DAB1: variants seen among roughly 807,000 people sequenced by gnomAD.
DAB1 encodes DAB adaptor protein 1.
A neutral mutation model predicts 64.6 loss-of-function variants in DAB1; 15 were observed. The observed-to-expected ratio is 0.23, with a 90% confidence interval of 0.16 to 0.36. The LOEUF (loss-of-function observed/expected upper bound fraction) is 0.36, where lower values mean the gene tolerates loss of function less well. Ranked by LOEUF, DAB1 falls within the 10% of genes least tolerant of loss-of-function variation. The pLI is 1.00. For missense variants in DAB1, 596 were observed against 706.7 expected, an observed-to-expected ratio of 0.84 and a Z score of 1.78; for synonymous variants, 235 against 251.9, an observed-to-expected ratio of 0.93 and a Z score of 0.64.
chr1:57,484,086 C>CTA lies in DAB1; in HGVS notation n.625+165504_625+165505dup, dbSNP rs2101250761. 2.0e-5 allele frequency among the ~76,000 whole-genome samples: 3 copies of CTA among 152,084 alleles called. No homozygotes were observed. The East Asian group carries it at 5.8e-4, about 29-fold the overall frequency. The stretch of plus-strand genomic sequence containing the variant: ...AACCTGGAAGAAGTGAAAGTGCATG[C>CTA]TATACAAAGTCTCAGAAAGAAGCAT... On this transcript the variant is annotated intron_variant and non_coding_transcript_variant, in intron 7 of 20. Transcript: ENST00000485760.
intron 4 of DAB1, among the ~76,000 whole-genome samples, chr1:58,162,003 G>A (rs1655562985): frequency 6.6e-6 from 1 of 152,138 alleles, no homozygotes; most frequent in South Asian, 2.1e-4. Context: ...CAATGGTCCA[G>A]GGAAGAGAAG....
chr1:58,353,761 T>C (rs547920615), intron 3 of DAB1, among the ~76,000 whole-genome samples: 1 of 152,296 alleles, frequency 6.6e-6, no homozygotes, highest in Admixed American at 6.5e-5. Flanking sequence ...ATGTGTTTTA[T>C]CTACTATGTG....
At chr1:58,290,017 G>C (rs1427415638) in intron 4 of DAB1, among the ~76,000 whole-genome samples, 1 of 152,184 alleles carries the variant, frequency 6.6e-6, no homozygotes, top group Non-Finnish European at 1.5e-5. Context: ...AAACTCATAT[G>C]TTTTAAGCTC....
At chr1:57,176,457 C>G (rs155315) in intron 2 of DAB1, among the ~76,000 whole-genome samples, 3 of 151,732 alleles carry the variant, frequency 2.0e-5, no homozygotes, top group Admixed American at 2.0e-4. Flanking sequence ...CCGCCCCCCA[C>G]AATTCAATCA....
intron 3 of DAB1, among the ~76,000 whole-genome samples, chr1:58,438,889 C>A (rs1041696849): frequency 1.3e-5 from 2 of 152,138 alleles, no homozygotes; most frequent in Non-Finnish European, 2.9e-5. Context: ...GAGCAGAAAC[C>A]ACTTGCGTCT....
At chr1:57,768,987 G>A (rs1326554462) in intron 6 of DAB1, among the ~76,000 whole-genome samples, 1 of 151,970 alleles carries the variant, frequency 6.6e-6, no homozygotes, top group African/African-American at 2.4e-5. Flanking sequence ...TTCTTCCAGG[G>A]TGACTTGGCC....
chr1:57,907,259 A>T (rs1303870077), intron 5 of DAB1, among the ~76,000 whole-genome samples: 2 of 152,150 alleles, frequency 1.3e-5, no homozygotes, highest in African/African-American at 4.8e-5. Flanking sequence ...GCACCTACAG[A>T]GGAGGCTGCA....
At chr1:57,217,425 CG>C (rs1265525193) in intron 2 of DAB1, among the ~76,000 whole-genome samples, 1 of 151,996 alleles carries the variant, frequency 6.6e-6, no homozygotes, top group Non-Finnish European at 1.5e-5. Context: ...ATGTCCTTAT[CG>C]GTCCAAAAAT....
At chr1:58,283,004 C>A (rs1253875934) in intron 4 of DAB1, among the ~76,000 whole-genome samples, 2 of 152,096 alleles carry the variant, frequency 1.3e-5, no homozygotes, top group African/African-American at 4.8e-5. Context: ...CCCATCCCCC[C>A]ACCCCAATTG....
chr1:57,736,806 A>G (rs1391515029), intron 6 of DAB1, among the ~76,000 whole-genome samples: 1 of 151,810 alleles, frequency 6.6e-6, no homozygotes, highest in Non-Finnish European at 1.5e-5. Flanking sequence ...TCTAACATAT[A>G]TTTATTAAGT....
intron 7 of DAB1, among the ~76,000 whole-genome samples, chr1:57,542,693 C>T (rs1267036487): frequency 6.6e-6 from 1 of 151,976 alleles, no homozygotes; most frequent in South Asian, 2.1e-4. Context: ...TCATTCTGAA[C>T]AGTCATAGGG....
intron 1 of DAB1, among the ~76,000 whole-genome samples, chr1:58,529,892 T>C (rs1476174452): frequency 6.6e-6 from 1 of 152,166 alleles, no homozygotes; most frequent in African/African-American, 2.4e-5. Context: ...TATTTTTATT[T>C]TTTTTTGAGA....
intron 2 of DAB1, among the ~76,000 whole-genome samples, chr1:58,510,889 T>C (rs1646065463): frequency 6.6e-6 from 1 of 151,832 alleles, no homozygotes; most frequent in Admixed American, 6.6e-5. Context: ...TTAAAAAGAA[T>C]AAAATACTTA....
At chr1:57,635,969 C>A (rs185948547) in intron 7 of DAB1, among the ~76,000 whole-genome samples, 1 of 151,880 alleles carries the variant, frequency 6.6e-6, no homozygotes, top group Non-Finnish European at 1.5e-5. Flanking sequence ...CGGTGGCGGG[C>A]GCCTGTAGTC....
At chr1:57,107,279 G>T (rs1340425641) in intron 4 of DAB1, among the ~76,000 whole-genome samples, 1 of 151,886 alleles carries the variant, frequency 6.6e-6, no homozygotes, top group African/African-American at 2.4e-5. Flanking sequence ...GGAGGCTGAG[G>T]CAGGAGAATC....
At chr1:57,529,090 G>T (rs1168952665) in intron 7 of DAB1, among the ~76,000 whole-genome samples, 1 of 151,476 alleles carries the variant, frequency 6.6e-6, no homozygotes, top group Non-Finnish European at 1.5e-5. Flanking sequence ...AAGGGATGGG[G>T]TTAATAGAAT....
chr1:58,363,967 G>A (rs780154366), intron 3 of DAB1, among the ~76,000 whole-genome samples: 3 of 152,194 alleles, frequency 2.0e-5, no homozygotes, highest in Admixed American at 6.5e-5. Context: ...AAATAAGAGC[G>A]GAGGTAGGTA....
chr1:57,521,809 A>G (rs1644530125), intron 7 of DAB1, among the ~76,000 whole-genome samples: 1 of 152,270 alleles, frequency 6.6e-6, no homozygotes, highest in Admixed American at 6.5e-5. Flanking sequence ...GGGGGTATCA[A>G]AGAGAAAAGA....
intron 5 of DAB1, among the ~76,000 whole-genome samples, chr1:57,955,918 A>G (rs1353329621): frequency 6.6e-6 from 1 of 152,204 alleles, no homozygotes; most frequent in Non-Finnish European, 1.5e-5. Flanking sequence ...TTTAAAATGC[A>G]CAAGGTTTGG....
Sources: allele counts gnomAD v4.1 joint callset (sites outside exome capture counted in the v4.1 genomes callset), GRCh38; gene constraint gnomAD v4.1.1; transcripts MANE v1.5; gene names NCBI Gene and HGNC (gene_info 2026-07-23, HGNC 2026-07-21).